The following USP42 variants were observed in gnomAD, a reference collection of about 807,000 sequenced individuals.
USP42 encodes ubiquitin carboxyl-terminal hydrolase 42.
A neutral mutation model predicts 113.0 loss-of-function variants in USP42; 23 were observed. That is an observed-to-expected ratio of 0.20 (90% CI 0.15 to 0.29). The LOEUF (loss-of-function observed/expected upper bound fraction) is 0.29. Ranked by LOEUF, USP42 falls within the 10% of genes least tolerant of loss-of-function variation. USP42 has a pLI of 1.00. For missense variants in USP42, 2,174 were observed against 1,779.8 expected (o/e 1.22, Z -3.99); for synonymous variants, 933 against 699.0 (o/e 1.33, Z -5.28).
In USP42 at chr7:6,148,424, A is replaced by G. The variant is rs566274212; in HGVS notation, c.1386+532A>G. On this transcript the variant is annotated intron_variant, in intron 12 of 17. Coordinates refer to ENST00000306177, the MANE Select transcript of USP42 (RefSeq NM_032172.3). ...GAAAGAGGAAAGCCTGGGTGTCAGC[A>G]CCTTTAAATTTTAGGTCCCCTCTGG... 2.0e-5 allele frequency among the ~76,000 whole-genome samples: 3 copies of G among 152,318 alleles called. No homozygotes were observed. In the East Asian group the frequency reaches 5.8e-4, roughly 29 times the overall value.
At chr7:6,118,971 T>G (rs980641249) in intron 3 of USP42, among the ~76,000 whole-genome samples, 1 of 151,992 alleles carries the variant, frequency 6.6e-6, no homozygotes, top group Non-Finnish European at 1.5e-5. Context: ...TCTCAGTGTT[T>G]TGGGAGGCTG....
rs190015268 is a variant in USP42, at chr7:6,143,528, A to C, written c.878+514A>C. Among the ~76,000 whole-genome samples, 546 of 152,222 alleles carry C rather than the reference A, an allele frequency of 3.6e-3. 17 individuals are homozygous for C. The highest frequency in any genetic ancestry group is 0.034 in the Admixed American group (514 of 15,288). On this transcript the variant is annotated intron_variant, in intron 8 of 17. Coordinates refer to ENST00000306177, the MANE Select transcript of USP42 (RefSeq NM_032172.3). ...AAGTCAAGAGTGCCTATTTTAAGAA[A>C]GCTCTTTTGTATGTTTTTAAGTAGA...
At chr7:6,146,500 C>T (rs576273516) in intron 11 of USP42, among the ~76,000 whole-genome samples, 14 of 152,108 alleles carry the variant, frequency 9.2e-5, no homozygotes, top group African/African-American at 3.1e-4. Context: ...CACATGTCTA[C>T]AAAATACGAA....
chr7:6,109,615 A>T (rs1473978362), intron 1 of USP42, among the ~76,000 whole-genome samples: 1 of 151,272 alleles, frequency 6.6e-6, no homozygotes, highest in African/African-American at 2.4e-5. Context: ...GCTGGTCTCG[A>T]ACTCCTGGAC....
Position 6,150,119 on chromosome 7 carries a change from C to T in USP42, c.1923C>T (p.Ala641=), listed in dbSNP as rs61750868. The change falls in exon 13 of 18, where the codon GCC becomes GCT. Residue 641 remains alanine (A), a synonymous_variant. Transcript: ENST00000306177. ...GCTCCCACTCTCCCGGCCAAGATGC[C>T]GAAGATGAGGAGGCCACTCCGCACG... is the stretch of plus-strand genomic sequence containing the variant. ...IVSSHSPGQD[A]EDEEATPHEL... is the part of the protein sequence containing the mutation. 62,546 of 1,612,498 alleles carry T rather than the reference C, an allele frequency of 0.039. 1,923 individuals carry two copies. Among genetic ancestry groups the T allele is most frequent in the African/African-American group, 0.13 (10,072 of 74,986 alleles).
At chr7:6,111,055 T>C (rs757957010) in intron 1 of USP42, 70 bp from the exon 2 acceptor site, 47 of 1,475,690 alleles carry the variant, frequency 3.2e-5, no homozygotes, top group Middle Eastern at 1.9e-4. Flanking sequence ...TCTTCCAAGA[T>C]CTAACGGTAG....
chr7:6,115,232 T>C, intron 2 of USP42, 91 bp from the exon 3 acceptor site: 1 of 1,299,714 alleles, frequency 7.7e-7, no homozygotes, highest in Admixed American at 1.8e-5. Context: ...TTTCGGATCT[T>C]GTAAAGATTG....
chr7:6,113,146 C>G (rs867805646), intron 2 of USP42, among the ~76,000 whole-genome samples: 1 of 151,974 alleles, frequency 6.6e-6, no homozygotes, highest in African/African-American at 2.4e-5. Context: ...CCACCCGCCT[C>G]GGCCTCCCAG....
chr7:6,083,752 C>T, the USP42 span, among the ~76,000 whole-genome samples: 4 of 150,790 alleles, frequency 2.7e-5, no homozygotes, highest in South Asian at 6.2e-4. Context: ...TCTTCCAGTA[C>T]GTTGTTTTAG....
the USP42 span, chr7:6,081,711 G>A: frequency 6.6e-6 from 1 of 152,364 alleles, no homozygotes; most frequent in African/African-American, 2.4e-5. Context: ...GTGAGAGGGT[G>A]ATCGCGCTGC....
chr7:6,133,028 G>A (rs974155208), intron 3 of USP42, among the ~76,000 whole-genome samples: 2 of 152,176 alleles, frequency 1.3e-5, no homozygotes, highest in African/African-American at 4.8e-5. Context: ...GTAAGTAGGG[G>A]TCCTTTGTGT....
chr7:6,109,700 C>CTTT (rs34684085), intron 1 of USP42, among the ~76,000 whole-genome samples: 3 of 125,584 alleles, frequency 2.4e-5, no homozygotes, highest in African/African-American at 3.0e-5. Flanking sequence ...CCCGCCCGGC[C>CTTT]TTTTTTTTTT....
At chr7:6,115,155 A>G (rs968629843) in intron 2 of USP42, among the ~76,000 whole-genome samples, 168 bp from the exon 3 acceptor site, 1 of 151,906 alleles carries the variant, frequency 6.6e-6, no homozygotes, top group Non-Finnish European at 1.5e-5. Flanking sequence ...AAAATTTCTC[A>G]TGTTCTGGTT....
At chr7:6,090,222 C>T in the USP42 span, among the ~76,000 whole-genome samples, 1 of 146,686 alleles carries the variant, frequency 6.8e-6, no homozygotes, top group South Asian at 2.1e-4. Context: ...ATTGCTTGAA[C>T]CCAGGAGGCT....
At chr7:6,134,145 C>CT (rs895732592) in intron 3 of USP42, among the ~76,000 whole-genome samples, 1 of 152,118 alleles carries the variant, frequency 6.6e-6, no homozygotes, top group African/African-American at 2.4e-5. Context: ...CCCTCCTTAG[C>CT]TTCCCAAAGT....
At chr7:6,152,952 T>C in intron 14 of USP42, 2 of 985,372 alleles carry the variant, frequency 2.0e-6, no homozygotes, top group Non-Finnish European at 2.4e-6. Context: ...ACTTTTTTTC[T>C]TTAGTCTTAG....
At chr7:6,113,346 C>T (rs1251385101) in intron 2 of USP42, among the ~76,000 whole-genome samples, 2 of 152,132 alleles carry the variant, frequency 1.3e-5, no homozygotes, top group Non-Finnish European at 2.9e-5. Flanking sequence ...TCCAGCAGGA[C>T]TTTCCCACAG....
intron 3 of USP42, among the ~76,000 whole-genome samples, chr7:6,135,090 T>G (rs1271961290): frequency 6.6e-6 from 1 of 152,210 alleles, no homozygotes; most frequent in Non-Finnish European, 1.5e-5. Flanking sequence ...GCGCCTGGCT[T>G]CCACAGTGAT....
At chr7:6,104,386 CT>C (rs1231694658), upstream of USP42, among the ~76,000 whole-genome samples, 1 of 152,218 alleles carries the variant, frequency 6.6e-6, no homozygotes, top group Non-Finnish European at 1.5e-5. Context: ...CGGCCCAGAC[CT>C]TGTTTCTAAG....
Sources: gnomAD v4.1 joint callset for allele counts (sites outside exome capture counted in the v4.1 genomes callset) on GRCh38, gnomAD v4.1.1 for gene constraint, MANE v1.5 for transcripts, NCBI Gene and HGNC (gene_info 2026-07-23, HGNC 2026-07-21) for gene names.